Variants in COMMD10 observed in about 807,000 individuals in gnomAD.
COMMD10 encodes the protein COMM domain containing 10.
Under a neutral mutation model 28.9 loss-of-function variants are expected in COMMD10, and 33 were observed. That is an observed-to-expected ratio of 1.14 (90% confidence interval 0.87 to 1.53). The LOEUF is 1.53. Ranked by LOEUF, COMMD10 falls within the 40% of genes most tolerant of loss-of-function variation. The probability of loss-of-function intolerance (pLI) is 0.00; values close to 1 mark genes in which losing one functional copy is unlikely to be tolerated. For synonymous variants in COMMD10, 110 were observed against 81.7 expected, an observed-to-expected ratio of 1.35 and a Z score of -1.87; for missense variants, 310 against 233.4, an observed-to-expected ratio of 1.33 and a Z score of -2.14.
chr5:116,281,310 A>G (rs1490742925), intron 5 of COMMD10, among the ~76,000 whole-genome samples: 2 of 151,732 alleles, frequency 1.3e-5, no homozygotes, highest in African/African-American at 4.9e-5. Context: ...ACCTTACTGA[A>G]TTCTATTTCC....
intron 5 of COMMD10, among the ~76,000 whole-genome samples, chr5:116,185,895 T>C (rs1338194673): frequency 6.6e-6 from 1 of 152,114 alleles, no homozygotes; most frequent in African/African-American, 2.4e-5. Flanking sequence ...CAAGTTCTTT[T>C]CCCATTAGTC....
intron 5 of COMMD10, among the ~76,000 whole-genome samples, chr5:116,137,666 C>T (rs1044232973): frequency 6.6e-6 from 1 of 151,886 alleles, no homozygotes; most frequent in Non-Finnish European, 1.5e-5. Context: ...TCCTTATCTT[C>T]TTTTTCACTT....
At chr5:116,085,729 A>G (rs1313692984) in intron 1 of COMMD10, 1 of 152,268 alleles carries the variant, frequency 6.6e-6, no homozygotes, top group Non-Finnish European at 1.5e-5. Context: ...AAGTAAAAAA[A>G]GACTCAATTT....
At chr5:116,089,133 A>G (rs1365486533) in intron 2 of COMMD10, among the ~76,000 whole-genome samples, 1 of 152,230 alleles carries the variant, frequency 6.6e-6, no homozygotes, top group Admixed American at 6.5e-5. Flanking sequence ...TGCTGTTCAT[A>G]AAGTTACATT....
At chr5:116,237,210 T>C (rs1749691043) in intron 5 of COMMD10, among the ~76,000 whole-genome samples, 1 of 151,974 alleles carries the variant, frequency 6.6e-6, no homozygotes, top group Non-Finnish European at 1.5e-5. Context: ...CTCAAGTGAA[T>C]TGAGTGAGGG....
chr5:116,267,427 C>T (rs986485114), intron 5 of COMMD10, among the ~76,000 whole-genome samples: 1 of 151,748 alleles, frequency 6.6e-6, no homozygotes, highest in African/African-American at 2.4e-5. Flanking sequence ...AACTACAAAC[C>T]ACTGCTCAAC....
intron 6 of COMMD10, 37 bp downstream of exon 6, chr5:116,291,613 T>C (rs762578064): frequency 1.7e-6 from 2 of 1,145,638 alleles, no homozygotes; most frequent in Non-Finnish European, 2.5e-6. Context: ...ATATGTGGAG[T>C]TTTTTTCATA....
intron 5 of COMMD10, among the ~76,000 whole-genome samples, chr5:116,249,615 T>G (rs1750052757): frequency 1.3e-5 from 2 of 151,908 alleles, no homozygotes; most frequent in Admixed American, 1.3e-4. Flanking sequence ...GTTACAAACA[T>G]TTGAATTCTG....
At chr5:116,210,409 A>G (rs946551151) in intron 5 of COMMD10, among the ~76,000 whole-genome samples, 1 of 151,916 alleles carries the variant, frequency 6.6e-6, no homozygotes, top group Non-Finnish European at 1.5e-5. Context: ...TCTTTTTCTT[A>G]GGAAGATAAT....
intron 4 of COMMD10, among the ~76,000 whole-genome samples, chr5:116,124,290 A>G (rs6882942): frequency 0.12 from 18,003 of 152,160 alleles, 1,590 homozygotes; most frequent in African/African-American, 0.24. Context: ...ATTGGATTCA[A>G]AGAACATCTT....
chr5:116,106,227 T>G (rs1017956714), intron 4 of COMMD10, among the ~76,000 whole-genome samples: 1 of 152,190 alleles, frequency 6.6e-6, no homozygotes, highest in African/African-American at 2.4e-5. Flanking sequence ...TATTTTTGCT[T>G]TTATTTCGTT....
At chr5:116,192,686 A>G (rs1406020428) in intron 5 of COMMD10, among the ~76,000 whole-genome samples, 1 of 152,236 alleles carries the variant, frequency 6.6e-6, no homozygotes, top group East Asian at 1.9e-4. Flanking sequence ...AACAAACCTA[A>G]GAATAATCAG....
chr5:116,140,580 C>A (rs1302227477), intron 5 of COMMD10, among the ~76,000 whole-genome samples: 1 of 151,778 alleles, frequency 6.6e-6, no homozygotes, highest in Non-Finnish European at 1.5e-5. Context: ...TTCTCACCAG[C>A]GTTTGTTGTC....
intron 5 of COMMD10, among the ~76,000 whole-genome samples, chr5:116,282,068 GC>G (rs1751084022): frequency 6.6e-6 from 1 of 151,852 alleles, no homozygotes; most frequent in Admixed American, 6.6e-5. Context: ...GATATATCAA[GC>G]TAATTGTGTC....
chr5:116,106,721 C>A (rs1750852738), intron 4 of COMMD10, among the ~76,000 whole-genome samples: 1 of 152,098 alleles, frequency 6.6e-6, no homozygotes. Context: ...CATTGATCCC[C>A]TTGCCATTAT....
chr5:116,216,050 G>C (rs925640059), intron 5 of COMMD10, among the ~76,000 whole-genome samples: 1 of 152,054 alleles, frequency 6.6e-6, no homozygotes, highest in South Asian at 2.1e-4. Flanking sequence ...GGGAACAGTT[G>C]TTCTGAAGTA....
intron 3 of COMMD10, 42 bp from the exon 4 acceptor site, chr5:116,092,503 G>A (rs1183792197): frequency 7.1e-7 from 1 of 1,416,906 alleles, no homozygotes; most frequent in South Asian, 1.5e-5. Flanking sequence ...GTTTCAGTAT[G>A]AAGATGAGGG....
chr5:116,251,557 T>C (rs1177654455), intron 5 of COMMD10, among the ~76,000 whole-genome samples: 1 of 150,714 alleles, frequency 6.6e-6, no homozygotes, highest in African/African-American at 2.4e-5. Context: ...GTTTTTTTGT[T>C]CTTGCGATAG....
At chr5:116,260,838 A>G (rs906439320) in intron 5 of COMMD10, among the ~76,000 whole-genome samples, 3 of 151,810 alleles carry the variant, frequency 2.0e-5, no homozygotes. Context: ...GATGTTTAAA[A>G]GAGAGTAAGA....
Sources: gnomAD v4.1 joint callset for allele counts (sites outside exome capture counted in the v4.1 genomes callset) on GRCh38, gnomAD v4.1.1 for gene constraint, MANE v1.5 for transcripts, NCBI Gene and HGNC (gene_info 2026-07-23, HGNC 2026-07-21) for gene names.